Variants in CCDC57 observed in about 807,000 individuals in gnomAD.
The protein encoded by CCDC57 is coiled-coil domain containing 57.
In CCDC57, 118 loss-of-function variants were observed where a neutral mutation model predicts 118.9. The observed-to-expected ratio is 0.99, with a 90% confidence interval of 0.86 to 1.16. The LOEUF is 1.16. Ranked by LOEUF, CCDC57 falls within the 50% of genes most tolerant of loss-of-function variation. The pLI, the probability that CCDC57 is intolerant of heterozygous loss-of-function variation, is 0.00. For missense variants in CCDC57, 1,300 were observed against 1,320.7 expected, an observed-to-expected ratio of 0.98 and a Z score of 0.24; for synonymous variants, 527 against 532.9, an observed-to-expected ratio of 0.99 and a Z score of 0.15.
At chr17:82,146,761 GCA>G (rs568003075) in intron 16 of CCDC57, among the ~76,000 whole-genome samples, 3 of 152,120 alleles carry the variant, frequency 2.0e-5, no homozygotes, top group Non-Finnish European at 2.9e-5. Flanking sequence ...ATGCATGTGT[GCA>G]CACAGTCTCA....
intron 16 of CCDC57, among the ~76,000 whole-genome samples, chr17:82,146,888 T>C (rs12603584): frequency 0.47 from 70,786 of 151,572 alleles, 17,266 homozygotes; most frequent in East Asian, 0.88. Flanking sequence ...CAAACAAACG[T>C]GTGTGCACAC....
At chr17:82,105,368 C>T (rs1025779555) in intron 19 of CCDC57, among the ~76,000 whole-genome samples, 1 of 152,190 alleles carries the variant, frequency 6.6e-6, no homozygotes, top group East Asian at 1.9e-4. Context: ...TTCTCAAATG[C>T]ATCTAGTTAT....
chr17:82,148,733 T>G (rs2041342543), intron 16 of CCDC57, among the ~76,000 whole-genome samples: 1 of 57,102 alleles, frequency 1.8e-5, no homozygotes, highest in Non-Finnish European at 3.1e-5. Context: ...GATACATGGA[T>G]GGGTGGGTGG....
intron 19 of CCDC57, chr17:82,113,246 C>A: frequency 1.6e-6 from 1 of 614,778 alleles, no homozygotes; most frequent in Admixed American, 2.8e-5. Context: ...TTGTCCGTGC[C>A]ATTCAGGGCA....
At chr17:82,178,591 C>A in exon 11 of CCDC57, 1 of 1,612,338 alleles carries the variant, frequency 6.2e-7, no homozygotes, top group Non-Finnish European at 8.5e-7. Context: ...CTGTCTCCTG[C>A]AGCTTGGCAG....
chr17:82,142,849 C>G (rs1415054285), intron 16 of CCDC57, among the ~76,000 whole-genome samples: 1 of 152,150 alleles, frequency 6.6e-6, no homozygotes, highest in Non-Finnish European at 1.5e-5. Flanking sequence ...TTCCCCCTAA[C>G]AAGTAGCTCG....
chr17:82,158,050 G>A (rs751054934), intron 14 of CCDC57, 102 bp from the exon 14 acceptor site: 31 of 1,458,264 alleles, frequency 2.1e-5, no homozygotes, highest in African/African-American at 5.7e-5. Context: ...GGGAAAGAAC[G>A]GGGAGCCCGG....
At chr17:82,130,007 G>C (rs2038088253) in intron 17 of CCDC57, among the ~76,000 whole-genome samples, 1 of 151,902 alleles carries the variant, frequency 6.6e-6, no homozygotes, top group Non-Finnish European at 1.5e-5. Context: ...GATCAGCCTG[G>C]GTAACATATT....
At chr17:82,151,001 A>G (rs368051731) in intron 16 of CCDC57, among the ~76,000 whole-genome samples, 10 of 54,754 alleles carry the variant, frequency 1.8e-4, no homozygotes, top group African/African-American at 4.2e-4. Flanking sequence ...AGAACCAGGC[A>G]CACACCCAGA....
chr17:82,117,066 G>A (rs138763888), intron 19 of CCDC57, among the ~76,000 whole-genome samples: 6 of 152,308 alleles, frequency 3.9e-5, no homozygotes, highest in Non-Finnish European at 5.9e-5. Context: ...TAAAAATGGC[G>A]AATTGGGCCA....
exon 20 of CCDC57, chr17:82,101,733 A>C: frequency 6.2e-7 from 1 of 1,608,474 alleles, no homozygotes. Flanking sequence ...GGCAGCCTTT[A>C]GCTTTTGCAG....
intron 19 of CCDC57, among the ~76,000 whole-genome samples, chr17:82,121,111 C>T (rs1598692395): frequency 6.6e-6 from 1 of 152,280 alleles, no homozygotes; most frequent in Middle Eastern, 3.4e-3. Context: ...CGTTGCCAGG[C>T]ATGGTGGCTC....
intron 19 of CCDC57, among the ~76,000 whole-genome samples, chr17:82,125,427 G>C (rs1014949152): frequency 2.6e-5 from 4 of 151,442 alleles, no homozygotes; most frequent in Non-Finnish European, 5.9e-5. Flanking sequence ...CCAGACTGGA[G>C]TGCAGTGGTA....
Position 82,118,503 on chromosome 17 carries a change from G to A in CCDC57, c.2899+9189C>T, listed in dbSNP as rs763642105. ...TTGCGGGGCTTAGCTGCCCACACAC[G>A]TGGGACAGACTGTTGGGTGGCTGGT... On this transcript the variant is annotated intron_variant, in intron 19 of 19. Transcript: ENST00000665763. This position sits in a 1 kb window ranked among gnomAD's most constrained non-coding sequence, Gnocchi z 4.7. Among the ~76,000 whole-genome samples, 3 of 152,162 alleles carry A rather than the reference G, an allele frequency of 2.0e-5. No homozygotes were observed. The highest frequency in any genetic ancestry group is 4.4e-5 in the Non-Finnish European group (3 of 68,022).
intron 8 of CCDC57, 88 bp downstream of exon 7, chr17:82,188,131 C>G: frequency 8.6e-7 from 1 of 1,159,164 alleles, no homozygotes; most frequent in Non-Finnish European, 1.2e-6. Flanking sequence ...GGCCCCCTTT[C>G]CTGTGGTCTG....
intron 1 of CCDC57, among the ~76,000 whole-genome samples, chr17:82,210,152 T>C (rs552888335): frequency 1.3e-5 from 2 of 151,948 alleles, no homozygotes; most frequent in Non-Finnish European, 2.9e-5. Flanking sequence ...AGCAACAAAG[T>C]ACGTGATAGC....
chr17:82,155,911 A>G (rs2042620098), intron 15 of CCDC57: 1 of 152,104 alleles, frequency 6.6e-6, no homozygotes. Context: ...CAGAGCCTGG[A>G]GTGTATGCCC....
At chr17:82,210,114 C>A (rs1189984334) in intron 1 of CCDC57, among the ~76,000 whole-genome samples, 1 of 151,996 alleles carries the variant, frequency 6.6e-6, no homozygotes. Context: ...CTTGAAGGGG[C>A]TCCTAACACC....
rs775762842 is a variant in CCDC57, at chr17:82,192,567, T to C, written c.851+1189A>G. On this transcript the variant is annotated intron_variant, in intron 7 of 19. Coordinates refer to ENST00000665763, the Ensembl canonical transcript of CCDC57. The surrounding 1 kb of genome is among the most constrained non-coding windows in gnomAD (Gnocchi z 4.0). ...AAACAGTGTTTGTCCAGCTTCATCA[T>C]GGCCACACGGTGCAGCTAAGCAAGC... is the stretch of plus-strand genomic sequence containing the variant. 2.1e-4 allele frequency among the ~76,000 whole-genome samples: 32 copies of C among 152,222 alleles called. No individual in the cohort carries two copies. The highest frequency in any genetic ancestry group is 3.8e-4 in the Non-Finnish European group (26 of 68,040).
Sources: gnomAD v4.1 joint callset for allele counts (sites outside exome capture counted in the v4.1 genomes callset) on GRCh38, gnomAD v4.1.1 for gene constraint, Gnocchi (gnomAD v3.1) non-coding constraint, MANE v1.5 for transcripts, NCBI Gene and HGNC (gene_info 2026-07-23, HGNC 2026-07-21) for gene names.